Variants in PICALM observed in about 807,000 individuals in gnomAD.
PICALM encodes phosphatidylinositol-binding clathrin assembly protein.
Under a neutral mutation model 80.5 loss-of-function variants are expected in PICALM, and 40 were observed. The ratio of observed to expected loss-of-function variants is 0.50; its 90% CI spans 0.39 to 0.65. The LOEUF (loss-of-function observed/expected upper bound fraction) is 0.65, where lower values mean the gene tolerates loss of function less well. Ranked by LOEUF, PICALM falls within the 30% of genes least tolerant of loss-of-function variation. The probability of loss-of-function intolerance (pLI) is 0.00; values close to 1 mark genes in which losing one functional copy is unlikely to be tolerated. For missense variants in PICALM, 676 were observed against 778.9 expected (o/e 0.87, Z 1.57); for synonymous variants, 288 against 260.3 (o/e 1.11, Z -1.02).
intron 6 of PICALM, among the ~76,000 whole-genome samples, chr11:86,011,464 TCTTA>T (rs2095392906): frequency 6.6e-6 from 1 of 152,248 alleles, no homozygotes; most frequent in Non-Finnish European, 1.5e-5. Context: ...CTATTTCCAA[TCTTA>T]CTAATAGTAT....
At chr11:86,048,800 C>G (rs1043308388) in intron 1 of PICALM, among the ~76,000 whole-genome samples, 64 of 138,980 alleles carry the variant, frequency 4.6e-4, no homozygotes, top group African/African-American at 1.6e-3. Context: ...CACCACTGCA[C>G]TTCAGCCTCC....
intron 12 of PICALM, among the ~76,000 whole-genome samples, chr11:85,993,782 AT>A: frequency 6.6e-6 from 1 of 152,212 alleles, no homozygotes; most frequent in East Asian, 1.9e-4. Context: ...ATCTAAAAAA[AT>A]CCAAAAAAAG....
chr11:86,068,891 T>A lies in PICALM; in HGVS notation c.-111A>T. 2.2e-6 allele frequency: 3 copies of A among 1,387,038 alleles called. No homozygotes were observed. The highest frequency in any genetic ancestry group is 2.8e-6 in the Non-Finnish European group (3 of 1,057,232). 85.9% of individuals were successfully genotyped at this position (1,387,038 alleles called of 1,614,324 possible). On this transcript the variant is annotated 5_prime_UTR_variant, in exon 1 of 20. Coordinates refer to ENST00000393346, the MANE Select transcript of PICALM (RefSeq NM_007166.4). ...GCACCCCCTACCCCCACCGGCTCCT[T>A]CCCCGCCTGCCGGCCTGGGGCGCGG... is the stretch of plus-strand genomic sequence containing the variant.
chr11:86,064,852 T>C (rs2096420735), intron 1 of PICALM, among the ~76,000 whole-genome samples: 1 of 149,170 alleles, frequency 6.7e-6, no homozygotes, highest in African/African-American at 2.5e-5. Flanking sequence ...GGCAAGAGGA[T>C]TACTTGAGCC....
chr11:86,012,326 T>C lies in PICALM; in HGVS notation c.613A>G (p.Ile205Val), dbSNP rs1484451216. 6.2e-7 allele frequency: 1 copy of C among 1,610,768 alleles called. No individual in the cohort carries two copies. Residue 205 changes from isoleucine to valine, a missense_variant, in exon 6 of 20, where the codon ATT becomes GTT. This residue lies in a region of PICALM where 285 missense variants were observed against 395.4 expected (regional missense o/e 0.72). Coordinates refer to ENST00000393346, the MANE Select transcript of PICALM (RefSeq NM_007166.4). The stretch of plus-strand genomic sequence containing the variant: ...TCATTGTATGCTGCAAACAGTCTAA[T>C]GGCATCTTTGAACAGGAGCATGAAG... ...AAFMLLFKDA[I>V]RLFAAYNEGI...
At chr11:86,038,693 C>A (rs980980020) in intron 1 of PICALM, among the ~76,000 whole-genome samples, 1 of 111,952 alleles carries the variant, frequency 8.9e-6, no homozygotes, top group African/African-American at 3.8e-5. Context: ...AGGCAGAGAA[C>A]TGCTTGAACC....
At chr11:86,051,369 A>C (rs1275642429) in intron 1 of PICALM, among the ~76,000 whole-genome samples, 1 of 152,156 alleles carries the variant, frequency 6.6e-6, no homozygotes, top group East Asian at 1.9e-4. Context: ...GCATATGGAA[A>C]ATTTATCTTA....
chr11:85,993,545 T>C (rs759363244), intron 12 of PICALM, among the ~76,000 whole-genome samples: 1 of 151,984 alleles, frequency 6.6e-6, no homozygotes, highest in East Asian at 1.9e-4. Context: ...TTCAAGCGAC[T>C]CTCGTGCCTC....
chr11:86,008,835 A>G (rs1021988998), intron 7 of PICALM, among the ~76,000 whole-genome samples: 6 of 151,754 alleles, frequency 4.0e-5, no homozygotes, highest in African/African-American at 1.5e-4. Context: ...TCACGCCTGT[A>G]ATCCCAGCTC....
At chr11:86,038,462 G>GA (rs1283101330) in intron 1 of PICALM, among the ~76,000 whole-genome samples, 2 of 152,130 alleles carry the variant, frequency 1.3e-5, no homozygotes, top group African/African-American at 4.8e-5. Flanking sequence ...GAGCCTTAAG[G>GA]AATCTCCAGA....
chr11:85,985,675 T>A (rs764682314), intron 13 of PICALM, among the ~76,000 whole-genome samples: 2 of 152,220 alleles, frequency 1.3e-5, no homozygotes, highest in East Asian at 3.8e-4. Flanking sequence ...CTTAACTCTT[T>A]ACATAAAAAG....
chr11:86,052,420 C>A (rs1462666742), intron 1 of PICALM, among the ~76,000 whole-genome samples: 4 of 152,156 alleles, frequency 2.6e-5, no homozygotes, highest in Admixed American at 6.5e-5. Flanking sequence ...CTTTGTGAAT[C>A]CCTGAAGACT....
At chr11:85,963,976 C>T (rs1194524152) in intron 19 of PICALM, among the ~76,000 whole-genome samples, 1 of 129,062 alleles carries the variant, frequency 7.7e-6, no homozygotes, top group African/African-American at 2.9e-5. Flanking sequence ...GTTGTACAGG[C>T]TGGGTCAAAC....
rs765976024 is a variant in PICALM, at chr11:86,068,727, G to T, written c.54C>A (p.Thr18=). ...ATACTGTCTTGGATACGGCAGAGCC[G>T]GTGACACTGTGCTGGGCGGCAGTGA... The part of the protein sequence containing the change: ...DRITAAQHSV[T]GSAVSKTVCK... The change falls in exon 1 of 20, where the codon ACC becomes ACA. Residue 18 remains threonine (T), a synonymous_variant. Transcript: ENST00000393346. 21 of 1,612,886 alleles carry T rather than the reference G, an allele frequency of 1.3e-5. No homozygotes were observed. Among genetic ancestry groups the T allele is most frequent in the African/African-American group, 2.7e-5 (2 of 74,904 alleles).
intron 5 of PICALM, among the ~76,000 whole-genome samples, chr11:86,013,033 A>G (rs1478939127): frequency 6.6e-6 from 1 of 152,188 alleles, no homozygotes; most frequent in East Asian, 1.9e-4. Context: ...AGAACACGGT[A>G]GCTCATGCCT....
chr11:86,068,828 T>A lies in PICALM; in HGVS notation c.-48A>T, dbSNP rs374507825. 1,633 of 1,549,972 alleles carry A rather than the reference T, an allele frequency of 1.1e-3. 3 individuals carry two copies. The highest frequency in any genetic ancestry group is 1.3e-3 in the Non-Finnish European group (1,480 of 1,152,250). On this transcript the variant is annotated 5_prime_UTR_variant, in exon 1 of 20. Coordinates refer to ENST00000393346, the MANE Select transcript of PICALM (RefSeq NM_007166.4). ...CACCCGCTCAGCAGCCGGCGGGGACTGGGACCCCCAAGAGCCGGAGGGTCC... is the reference window on the plus strand; with the variant it reads ...CACCCGCTCAGCAGCCGGCGGGGACAGGGACCCCCAAGAGCCGGAGGGTCC...
chr11:86,058,083 T>C (rs1441111698), intron 1 of PICALM, among the ~76,000 whole-genome samples: 1 of 152,256 alleles, frequency 6.6e-6, no homozygotes, highest in Non-Finnish European at 1.5e-5. Flanking sequence ...TTGCCAATCC[T>C]CTGCAGTGTG....
chr11:85,984,388 A>G (rs538927883), intron 13 of PICALM, among the ~76,000 whole-genome samples: 1 of 152,158 alleles, frequency 6.6e-6, no homozygotes, highest in Non-Finnish European at 1.5e-5. Flanking sequence ...AACTTCTAGT[A>G]GCCCCAAGAT....
chr11:86,050,587 T>C (rs2096169335), intron 1 of PICALM, among the ~76,000 whole-genome samples: 1 of 152,178 alleles, frequency 6.6e-6, no homozygotes, highest in Non-Finnish European at 1.5e-5. Flanking sequence ...ACAATAATAA[T>C]GTTTACATTT....
Sources: gnomAD v4.1 joint callset for allele counts (sites outside exome capture counted in the v4.1 genomes callset) on GRCh38, gnomAD v4.1.1 for gene constraint, gnomAD v4.1.1 regional missense constraint, MANE v1.5 for transcripts, NCBI Gene and HGNC (gene_info 2026-07-23, HGNC 2026-07-21) for gene names.